CATSPER1: variants seen among roughly 807,000 people sequenced by gnomAD.
CATSPER1 encodes cation channel sperm associated 1.
Under a neutral mutation model 72.7 loss-of-function variants are expected in CATSPER1, and 57 were observed. The observed-to-expected ratio is 0.78, with a 90% CI of 0.63 to 0.98. CATSPER1 has a LOEUF of 0.98. CATSPER1 is among the 50% of genes least tolerant of loss of function. The probability of loss-of-function intolerance (pLI) is 0.00; values close to 1 mark genes in which losing one functional copy is unlikely to be tolerated. For missense variants in CATSPER1, 910 were observed against 1,033.9 expected (o/e 0.88, Z 1.64); for synonymous variants, 363 against 403.0 (o/e 0.90, Z 1.19).
intron 9 of CATSPER1, among the ~76,000 whole-genome samples, chr11:66,019,740 TACAC>T (rs368528079): frequency 6.6e-6 from 1 of 151,284 alleles, no homozygotes; most frequent in Non-Finnish European, 1.5e-5. Flanking sequence ...TACTAAAAAA[TACAC>T]ACACACACAA....
chr11:66,023,121 A>T, intron 1 of CATSPER1, 60 bp from the exon 2 acceptor site: 3 of 1,484,310 alleles, frequency 2.0e-6, no homozygotes, highest in Non-Finnish European at 2.8e-6. Context: ...GGTCCCAGGC[A>T]CCCCCCAGCC....
rs543251830 is a variant in CATSPER1, at chr11:66,019,388, C to T, written c.2126-486G>A. ...GCCTCCCGGGTTCAAGTGATTCTCC[C>T]GCCTCAACCTCCCGAGTAGCTGTGA... On this transcript the variant is annotated intron_variant, in intron 9 of 11. Transcript: ENST00000312106. 2.3e-4 allele frequency among the ~76,000 whole-genome samples: 35 copies of T among 152,050 alleles called. No homozygotes were observed. The East Asian group carries it at 4.7e-3, about 20-fold the overall frequency.
At position 66,017,185 on chromosome 11, in the gene CATSPER1, G is replaced by T; in HGVS notation, c.2202-11C>A. On this transcript the variant is annotated splice_polypyrimidine_tract_variant and intron_variant, in intron 10 of 11. Transcript: ENST00000312106. ...AGGAGCTCCTGCTGCCTGCGGGTGGGCGGGGGGGTCGCAGAGACAGGGGCT... is the reference window on the plus strand; with the variant it reads ...AGGAGCTCCTGCTGCCTGCGGGTGGTCGGGGGGGTCGCAGAGACAGGGGCT... 8 of 1,516,352 alleles carry T rather than the reference G, an allele frequency of 5.3e-6. No homozygotes were observed. The highest frequency in any genetic ancestry group is 1.4e-5 in the African/African-American group (1 of 72,842). The allele number at this position is 1,516,352 out of a possible 1,614,324, so 93.9% of individuals were successfully genotyped here.
chr11:66,017,188 G>T lies in CATSPER1; in HGVS notation c.2202-14C>A. The T allele has an allele frequency of 5.5e-6, 8 of 1,451,930 alleles. No homozygotes were observed. In the South Asian group the frequency reaches 7.2e-5, roughly 13 times the overall value. 89.9% of individuals were successfully genotyped at this position (1,451,930 alleles called of 1,614,324 possible). On this transcript the variant is annotated splice_polypyrimidine_tract_variant and intron_variant, in intron 10 of 11. Coordinates refer to ENST00000312106, the MANE Select transcript of CATSPER1 (RefSeq NM_053054.4). ...AGCTCCTGCTGCCTGCGGGTGGGCG[G>T]GGGGGTCGCAGAGACAGGGGCTGGG...
chr11:66,023,522 CTA>C (rs911515881), intron 1 of CATSPER1, among the ~76,000 whole-genome samples: 2 of 152,274 alleles, frequency 1.3e-5, no homozygotes, highest in Non-Finnish European at 2.9e-5. Flanking sequence ...CACTACTGCT[CTA>C]TGTCTCAGTT....
intron 1 of CATSPER1, among the ~76,000 whole-genome samples, chr11:66,024,363 T>C (rs1856448802): frequency 1.4e-5 from 2 of 147,070 alleles, no homozygotes; most frequent in African/African-American, 5.0e-5. Context: ...CTGCAACCTC[T>C]GCCTCCTGGG....
At position 66,016,867 on chromosome 11, in the gene CATSPER1, C is replaced by T. The variant is rs373009756; in HGVS notation, c.*23G>A. On this transcript the variant is annotated 3_prime_UTR_variant, in exon 12 of 12. Coordinates refer to ENST00000312106, the MANE Select transcript of CATSPER1 (RefSeq NM_053054.4). Reference sequence around the variant, plus strand: ...TGGGCAGACTGCCAGGGGCTGAAGTCTGTATCTGGTGTCCTCCTGGGGTCA... The same window carrying T: ...TGGGCAGACTGCCAGGGGCTGAAGTTTGTATCTGGTGTCCTCCTGGGGTCA... 3.9e-4 allele frequency: 631 copies of T among 1,612,394 alleles called. No homozygotes were observed. Among genetic ancestry groups the T allele is most frequent in the Non-Finnish European group, 5.2e-4 (610 of 1,179,070 alleles).
chr11:66,017,193 G>GGGGGGGGGGGGT lies in CATSPER1; in HGVS notation c.2202-20_2202-19insACCCCCCCCCCC. 3 of 493,802 alleles carry GGGGGGGGGGGGT rather than the reference G, an allele frequency of 6.1e-6. No homozygotes were observed. Among genetic ancestry groups the GGGGGGGGGGGGT allele is most frequent in the Non-Finnish European group, 7.9e-6 (2 of 252,614 alleles). The allele number at this position is 493,802 out of a possible 1,614,324, so 30.6% of individuals were successfully genotyped here. On this transcript the variant is annotated intron_variant, in intron 10 of 11. Transcript: ENST00000312106. ...CTGCTGCCTGCGGGTGGGCGGGGGG[G>GGGGGGGGGGGGT]TCGCAGAGACAGGGGCTGGGCTGAC...
intron 10 of CATSPER1, among the ~76,000 whole-genome samples, chr11:66,017,566 C>A (rs1453728530): frequency 3.3e-5 from 5 of 151,180 alleles, no homozygotes; most frequent in Admixed American, 6.6e-5. Context: ...CCTGTAGCCA[C>A]CCCCCACCCA....
At chr11:66,021,237 T>C (rs1409279591) in intron 4 of CATSPER1, 52 bp from the exon 5 acceptor site, 2 of 1,538,428 alleles carry the variant, frequency 1.3e-6, no homozygotes, top group Non-Finnish European at 1.8e-6. Context: ...CGGGGGTGTG[T>C]GTCTCTGCCC....
intron 10 of CATSPER1, 141 bp from the exon 11 acceptor site, chr11:66,017,315 A>G: frequency 1.6e-6 from 1 of 629,466 alleles, no homozygotes; most frequent in Non-Finnish European, 2.8e-6. Flanking sequence ...CTGCATTTCC[A>G]GGAGGTCTCC....
chr11:66,022,018 T>A (rs1448678350), intron 2 of CATSPER1, 139 bp from the exon 3 acceptor site: 2 of 718,348 alleles, frequency 2.8e-6, no homozygotes, highest in Non-Finnish European at 5.1e-6. Context: ...TCACTACTGC[T>A]GTGTCTCAGT....
At position 66,017,193 on chromosome 11, in the gene CATSPER1, G is replaced by GGGGGGGGGGGGGGGGGGCCCC; in HGVS notation, c.2202-20_2202-19insGGGGCCCCCCCCCCCCCCCCC. The GGGGGGGGGGGGGGGGGGCCCC allele has an allele frequency of 4.1e-5, 20 of 493,782 alleles. No homozygotes were observed. Among genetic ancestry groups the GGGGGGGGGGGGGGGGGGCCCC allele is most frequent in the Non-Finnish European group, 5.9e-5 (15 of 252,598 alleles). 30.6% of individuals were successfully genotyped at this position (493,782 alleles called of 1,614,324 possible). A position where few individuals can be genotyped will look rare whatever the true frequency, so the allele number is the denominator to read the frequency against. ...CTGCTGCCTGCGGGTGGGCGGGGGG[G>GGGGGGGGGGGGGGGGGGCCCC]TCGCAGAGACAGGGGCTGGGCTGAC... On this transcript the variant is annotated intron_variant, in intron 10 of 11. Transcript: ENST00000312106.
At position 66,018,714 on chromosome 11, in the gene CATSPER1, C is replaced by A. The variant is rs138438371; in HGVS notation, c.2201+113G>T. The A allele has an allele frequency of 4.2e-6, 5 of 1,179,740 alleles. No homozygotes were observed. In the Admixed American group the frequency reaches 8.9e-5, roughly 21 times the overall value. 73.1% of individuals were successfully genotyped at this position (1,179,740 alleles called of 1,614,324 possible). ...CCACAGGCTCATCCACAAGCCTCAG[C>A]GCTCCATCCCCTTCTAGAGGGGCAG... On this transcript the variant is annotated intron_variant, in intron 10 of 11. Transcript: ENST00000312106.
At chr11:66,021,039 C>G in intron 5 of CATSPER1, 55 bp downstream of exon 5, 2 of 1,604,772 alleles carry the variant, frequency 1.2e-6, no homozygotes, top group Non-Finnish European at 1.7e-6. Flanking sequence ...CTCCCCGCAC[C>G]CCTTTCACCG....
chr11:66,021,175 T>C lies in CATSPER1; in HGVS notation c.1702A>G (p.Ser568Gly). 2 of 1,612,806 alleles carry C rather than the reference T, an allele frequency of 1.2e-6. No homozygotes were observed. The highest frequency in any genetic ancestry group is 4.5e-5 in the East Asian group (2 of 44,840). The change falls in exon 5 of 12, where the codon AGC becomes GGC. Residue 568 changes from serine to glycine, a missense_variant. Coordinates refer to ENST00000312106, the MANE Select transcript of CATSPER1 (RefSeq NM_053054.4). The stretch of plus-strand genomic sequence containing the variant: ...AGGGTCCCTGTCACTTCCTGGACGC[T>C]GGTCAGGAAGCTGTGGGCAGAAGGA... ...RVLRRLSFLT[S>G]VQEVTGTLGQ...
In CATSPER1 at chr11:66,026,471, A is replaced by G. The variant is rs947847; in HGVS notation, c.-92T>C. 0.29 allele frequency: 467,900 copies of G among 1,593,942 alleles called. 72,967 individuals are homozygous for G. Among genetic ancestry groups the G allele is most frequent in the Admixed American group, 0.47 (27,876 of 59,528 alleles). On this transcript the variant is annotated 5_prime_UTR_variant, in exon 1 of 12. Coordinates refer to ENST00000312106, the MANE Select transcript of CATSPER1 (RefSeq NM_053054.4). ...TCCCTTCTTTCCTGAGCCAAGCTCAATGCAGACTGTGGCACTGGGCTTCCA... is the reference window on the plus strand; with the variant it reads ...TCCCTTCTTTCCTGAGCCAAGCTCAGTGCAGACTGTGGCACTGGGCTTCCA...
In CATSPER1 at chr11:66,020,403, C is replaced by T; in HGVS notation, c.1992-14G>A. 1 of 1,613,976 alleles carries T rather than the reference C, an allele frequency of 6.2e-7. No homozygotes were observed. Among genetic ancestry groups the T allele is most frequent in the Non-Finnish European group, 8.5e-7 (1 of 1,179,988 alleles). On this transcript the variant is annotated splice_polypyrimidine_tract_variant and intron_variant, in intron 7 of 11. Coordinates refer to ENST00000312106, the MANE Select transcript of CATSPER1 (RefSeq NM_053054.4). This position sits in a 1 kb window ranked among gnomAD's most constrained non-coding sequence, Gnocchi z 4.5. ...GTAATCACCAGGCTGGGGAGAGGGA[C>T]AGGGGTGTGCCCTCAGCGAGGAGGC...
Position 66,021,785 on chromosome 11 carries a change from A to C in CATSPER1, c.1524T>G (p.Phe508Leu). The C allele has an allele frequency of 6.2e-7, 1 of 1,614,148 alleles. No individual in the cohort carries two copies. The highest frequency in any genetic ancestry group is 1.7e-5 in the Admixed American group (1 of 60,026). The stretch of plus-strand genomic sequence containing the variant: ...ACCCACCCAAATTGTTCCAGAAGTC[A>C]AAGAAGTACGAGAGGCCCAGGGCGA... ...KIIALGLSYF[F>L]DFWNNLDFFI... The change falls in exon 3 of 12, where the codon TTT becomes TTG. Residue 508 changes from phenylalanine (F) to leucine (L), a missense_variant. Transcript: ENST00000312106.
Sources: allele counts gnomAD v4.1 joint callset (sites outside exome capture counted in the v4.1 genomes callset), GRCh38; gene constraint gnomAD v4.1.1; non-coding constraint Gnocchi (gnomAD v3.1); transcripts MANE v1.5; gene names NCBI Gene and HGNC (gene_info 2026-07-23, HGNC 2026-07-21).